The following EPHA2 variants were observed in gnomAD, a reference collection of about 807,000 sequenced individuals.
EPHA2 encodes ephrin type-A receptor 2.
A neutral mutation model predicts 104.9 loss-of-function variants in EPHA2; 54 were observed. That is an observed-to-expected ratio of 0.51 (90% CI 0.41 to 0.65). The LOEUF (loss-of-function observed/expected upper bound fraction) is 0.65. Ranked by LOEUF, EPHA2 falls within the 30% of genes least tolerant of loss-of-function variation. EPHA2 has a pLI of 0.00. For missense variants in EPHA2, 1,117 were observed against 1,369.5 expected (o/e 0.82, Z 2.91); for synonymous variants, 560 against 559.1 (o/e 1.00, Z -0.02).
In EPHA2 at chr1:16,130,621, C is replaced by T. The variant is rs1435465159; in HGVS notation, c.2476-202G>A. On this transcript the variant is annotated intron_variant, in intron 14 of 16. Transcript: ENST00000358432. The surrounding 1 kb of genome is among the most constrained non-coding windows in gnomAD (Gnocchi z 4.5). ...CCTAAGGGTCTGTGTCCAGAGTTCA[C>T]TGGAAGGGACTTTTTTTTTTTTGAC... is the stretch of plus-strand genomic sequence containing the variant. 1.3e-5 allele frequency among the ~76,000 whole-genome samples: 2 copies of T among 151,378 alleles called. No homozygotes were observed. The highest frequency in any genetic ancestry group is 2.4e-5 in the African/African-American group (1 of 41,018).
chr1:16,126,104 C>A (rs575588395), intron 16 of EPHA2, among the ~76,000 whole-genome samples: 1 of 152,064 alleles, frequency 6.6e-6, no homozygotes, highest in Non-Finnish European at 1.5e-5. Context: ...AACCAGCAGC[C>A]GAGGGGGAAG....
chr1:16,135,790 G>A lies in EPHA2; in HGVS notation c.1313-20C>T, dbSNP rs146418694. 4.8e-4 allele frequency: 670 copies of A among 1,396,730 alleles called. 4 individuals carry two copies. The African/African-American group carries it at 8.3e-3, about 17-fold the overall frequency. 86.5% of individuals were successfully genotyped at this position (1,396,730 alleles called of 1,614,324 possible). On this transcript the variant is annotated intron_variant, in intron 5 of 16. Transcript: ENST00000358432. The surrounding 1 kb of genome is among the most constrained non-coding windows in gnomAD (Gnocchi z 4.3). ...GGGGCTCTGGGCAGGACAGGCAGTG[G>A]GGGAAGTGGGTAAGAAGCTGCCTAC...
At position 16,132,425 on chromosome 1, in the gene EPHA2, T is replaced by C. The variant is rs1467052182; in HGVS notation, c.2068A>G (p.Ile690Val). The C allele has an allele frequency of 3.0e-5, 49 of 1,613,866 alleles. No homozygotes were observed. The highest frequency in any genetic ancestry group is 4.2e-5 in the Non-Finnish European group (49 of 1,180,026). Residue 690 changes from isoleucine to valine, a missense_variant, in exon 12 of 17, where the codon ATC (isoleucine) becomes GTC (valine). Ile to Val is a conservative substitution (Grantham distance 29). This residue lies in a region of EPHA2 where 340 missense variants were observed against 480.5 expected (regional missense o/e 0.71). Transcript: ENST00000358432. ...CCATTCTCCATGTACTCAGTGATGA[T>C]CATCATGGGCTTGTCTGTAGGGGGG... ...GVISKYKPMMIITEYMENGAL... is the reference protein window; with the variant it reads ...GVISKYKPMMVITEYMENGAL...
At position 16,130,175 on chromosome 1, in the gene EPHA2, G is replaced by C; in HGVS notation, c.2669+51C>G. The C allele has an allele frequency of 6.2e-6, 10 of 1,612,976 alleles. No individual in the cohort carries two copies. The highest frequency in any genetic ancestry group is 8.5e-6 in the Non-Finnish European group (10 of 1,179,146). On this transcript the variant is annotated intron_variant, in intron 15 of 16. Transcript: ENST00000358432. The surrounding 1 kb of genome is among the most constrained non-coding windows in gnomAD (Gnocchi z 4.5). ...GCCACTCTACCGAAGTGGTTCAAGAGTCTGCAGAAGGAAAATTGAGGTCAT... is the reference window on the plus strand; with the variant it reads ...GCCACTCTACCGAAGTGGTTCAAGACTCTGCAGAAGGAAAATTGAGGTCAT...
intron 3 of EPHA2, among the ~76,000 whole-genome samples, chr1:16,145,398 C>T (rs1438235922): frequency 6.6e-6 from 1 of 152,202 alleles, no homozygotes. Flanking sequence ...CTTCCTCTGC[C>T]CACTTAACTC....
At position 16,124,902 on chromosome 1, in the gene EPHA2, C is replaced by G. The variant is rs528206013; in HGVS notation, c.*313G>C. 2.9e-6 allele frequency: 1 copy of G among 340,384 alleles called. No homozygotes were observed. The highest frequency in any genetic ancestry group is 5.6e-6 in the Non-Finnish European group (1 of 177,098). The allele number at this position is 340,384 out of a possible 1,614,324, so 21.1% of individuals were successfully genotyped here. A position where few individuals can be genotyped will look rare whatever the true frequency, so the allele number is the denominator to read the frequency against. On this transcript the variant is annotated 3_prime_UTR_variant, in exon 17 of 17. Transcript: ENST00000358432. The stretch of plus-strand genomic sequence containing the variant: ...ATGTGGGAGAAGGCGGAGGGAAGGT[C>G]GGCTTGGGAATATCCCATATGTCTG...
At chr1:16,153,168 G>A (rs1482565099) in intron 1 of EPHA2, 4 of 984,786 alleles carry the variant, frequency 4.1e-6, no homozygotes, top group Non-Finnish European at 4.8e-6. Flanking sequence ...TCTTTGCCAT[G>A]AGTTCCACCG....
At chr1:16,137,711 G>T in intron 5 of EPHA2, 142 bp downstream of exon 5, 2 of 991,728 alleles carry the variant, frequency 2.0e-6, no homozygotes, top group Non-Finnish European at 3.0e-6. Flanking sequence ...CCACGGGTTG[G>T]ACAAGCTTGC....
chr1:16,129,694 C>T lies in EPHA2; in HGVS notation c.2670-105G>A, dbSNP rs547655271. ...GATGATTGACTCGGCTGCCCCGTGC[C>T]TCCGTCTCCTTATCTGGGCAACAGG... On this transcript the variant is annotated intron_variant, in intron 15 of 16. Transcript: ENST00000358432. 3.0e-4 allele frequency: 421 copies of T among 1,417,708 alleles called. No individual in the cohort carries two copies. The African/African-American group carries it at 5.2e-3, about 17-fold the overall frequency. 87.8% of individuals were successfully genotyped at this position (1,417,708 alleles called of 1,614,324 possible).
At chr1:16,153,816 T>A (rs1388072703) in intron 1 of EPHA2, among the ~76,000 whole-genome samples, 1 of 152,064 alleles carries the variant, frequency 6.6e-6, no homozygotes, top group Admixed American at 6.5e-5. Context: ...TCCTCCTGCC[T>A]GCCCCCTAAG....
intron 1 of EPHA2, chr1:16,153,134 A>G (rs2025075536): frequency 1.0e-6 from 1 of 984,162 alleles, no homozygotes; most frequent in Non-Finnish European, 1.2e-6. Flanking sequence ...TGGGGGGAAA[A>G]AAAAAAAGCA....
In EPHA2 at chr1:16,133,583, A is replaced by T; in HGVS notation, c.1762T>A (p.Tyr588Asn). The change falls in exon 10 of 17, where the codon TAC becomes AAC. Residue 588 changes from tyrosine (Y) to asparagine (N), a missense_variant. By Grantham distance (143) the Tyr-to-Asn change is moderately radical. Around this residue, in one of 3 missense-constraint regions of EPHA2, gnomAD observed 113 missense variants for 104.3 expected, o/e 1.08. Coordinates refer to ENST00000358432, the MANE Select transcript of EPHA2 (RefSeq NM_004431.5). ...KSEQLKPLKT[Y>N]VDPHTYEDPN... ...TCCTCATATGTGTGGGGGTCCACGT[A>T]TGTCTTCAGGGGCTTCAGTTGTTCT... The T allele has an allele frequency of 6.2e-7, 1 of 1,614,006 alleles. No individual in the cohort carries two copies. The highest frequency in any genetic ancestry group is 8.5e-7 in the Non-Finnish European group (1 of 1,179,946).
At chr1:16,133,721 G>C (rs2024625230) in intron 9 of EPHA2, 115 bp from the exon 10 acceptor site, 25 of 1,529,300 alleles carry the variant, frequency 1.6e-5, no homozygotes, top group South Asian at 3.6e-5. Context: ...GGCTGTGGGG[G>C]ACGGACCCCT....
In EPHA2 at chr1:16,148,688, C is replaced by T. The variant is rs2024980553; in HGVS notation, c.513G>A (p.Gly171=). 3 of 1,611,756 alleles carry T rather than the reference C, an allele frequency of 1.9e-6. No individual in the cohort carries two copies. In the African/African-American group the frequency reaches 4.0e-5, roughly 21 times the overall value. Reference sequence around the variant, plus strand: ...GGTAGAAGCCTTTGCGGGTGAGCGGCCCCACGGAGCGCTCCTCCACGTTCA... The same window carrying T: ...GGTAGAAGCCTTTGCGGGTGAGCGGTCCCACGGAGCGCTCCTCCACGTTCA... ...VKLNVEERSV[G]PLTRKGFYLA... Residue 171 remains glycine (G), a synonymous_variant, in exon 3 of 17, where the codon GGG becomes GGA. Transcript: ENST00000358432. The surrounding 1 kb of genome is among the most constrained non-coding windows in gnomAD (Gnocchi z 4.9).
intron 1 of EPHA2, among the ~76,000 whole-genome samples, chr1:16,154,045 C>T (rs2025098008): frequency 3.9e-5 from 6 of 152,120 alleles, no homozygotes; most frequent in African/African-American, 9.7e-5. Context: ...TTTAATCACA[C>T]AGGCTGGGGA....
At chr1:16,129,257 C>T (rs2024527009) in intron 16 of EPHA2, among the ~76,000 whole-genome samples, 177 bp downstream of exon 16, 1 of 151,768 alleles carries the variant, frequency 6.6e-6, no homozygotes, top group African/African-American at 2.4e-5. Flanking sequence ...AGTGGGCACC[C>T]AGAGCTGCCA....
At chr1:16,151,578 G>A (rs569074920) in intron 1 of EPHA2, among the ~76,000 whole-genome samples, 1 of 152,248 alleles carries the variant, frequency 6.6e-6, no homozygotes, top group African/African-American at 2.4e-5. Flanking sequence ...GAGGGAAGAG[G>A]GTATCTGGAA....
At chr1:16,151,478 A>G (rs2025035909) in intron 1 of EPHA2, among the ~76,000 whole-genome samples, 1 of 152,220 alleles carries the variant, frequency 6.6e-6, no homozygotes, top group Non-Finnish European at 1.5e-5. Context: ...GTCATGTAGC[A>G]CACACATATG....
chr1:16,142,588 G>A (rs1237916285), intron 3 of EPHA2, among the ~76,000 whole-genome samples: 1 of 148,576 alleles, frequency 6.7e-6, no homozygotes, highest in Non-Finnish European at 1.5e-5. Flanking sequence ...GGTGGAGGGG[G>A]GTATGAGTGG....
Sources: gnomAD v4.1 joint callset for allele counts (sites outside exome capture counted in the v4.1 genomes callset) on GRCh38, gnomAD v4.1.1 for gene constraint, gnomAD v4.1.1 regional missense constraint, Gnocchi (gnomAD v3.1) non-coding constraint, MANE v1.5 for transcripts, NCBI Gene and HGNC (gene_info 2026-07-23, HGNC 2026-07-21) for gene names.